Variants in RNF213 observed in about 807,000 individuals in gnomAD.
The protein encoded by RNF213 is ring finger protein 213.
RNF213 carries 341 observed loss-of-function variants against 514.4 expected under a neutral mutation model. That is an observed-to-expected ratio of 0.66 (90% CI 0.61 to 0.73). The LOEUF is 0.73. Ranked by LOEUF, RNF213 falls within the 30% of genes least tolerant of loss-of-function variation. The pLI, the probability that RNF213 is intolerant of heterozygous loss-of-function variation, is 0.00. For synonymous variants in RNF213, 2,655 were observed against 2,658.2 expected (o/e 1.00, Z 0.04); for missense variants, 5,767 against 6,615.6 (o/e 0.87, Z 4.45).
chr17:80,353,604 G>T lies in RNF213; in HGVS notation c.10516G>T (p.Ala3506Ser), dbSNP rs781630770. The T allele has an allele frequency of 1.1e-5, 18 of 1,614,084 alleles. No homozygotes were observed. Among genetic ancestry groups the T allele is most frequent in the African/African-American group, 1.3e-5 (1 of 74,922 alleles). The stretch of plus-strand genomic sequence containing the variant: ...GGAGGTGGCAGAGGTGGCAGAGGAG[G>T]CCATGGAAACAGAAAGTTCTGAGAA... ...SGEVAEVAEE[A>S]METESSEKVG... is the part of the protein sequence containing the mutation. The change falls in exon 34 of 68, where the codon GCC (alanine) becomes TCC (serine). Residue 3506 changes from alanine to serine, a missense_variant. Coordinates refer to ENST00000582970, the MANE Select transcript of RNF213 (RefSeq NM_001256071.3). This position sits in a 1 kb window ranked among gnomAD's most constrained non-coding sequence, Gnocchi z 5.0.
chr17:80,320,103 C>A, intron 17 of RNF213: 2 of 707,150 alleles, frequency 2.8e-6, no homozygotes, highest in Non-Finnish European at 3.5e-6. Context: ...CAGATATGTA[C>A]AGTCATCACC....
rs565102144 is a variant in RNF213, at chr17:80,364,441, G to C, written c.11759G>C (p.Trp3920Ser). The C allele has an allele frequency of 2.1e-4, 343 of 1,614,178 alleles. 2 individuals carry two copies. The South Asian group carries it at 3.5e-3, about 17-fold the overall frequency. The change falls in exon 42 of 68, where the codon TGG (tryptophan) becomes TCG (serine). Residue 3920 changes from tryptophan (W) to serine (S), a missense_variant. Transcript: ENST00000582970. ...QAVIREVRAQ[W>S]SRIFSTALFV... ...GCGCCCTCTTTTGACAGAGCCCAGT[G>C]GAGTCGGATTTTCTCCACCGCACTC...
chr17:80,354,385 C>G, intron 35 of RNF213, 56 bp from the exon 36 acceptor site: 1 of 1,613,186 alleles, frequency 6.2e-7, no homozygotes. Context: ...AGAAGCACTC[C>G]GGAGCCAACA....
intron 26 of RNF213, 190 bp downstream of exon 26, chr17:80,340,546 G>C (rs2078123056): frequency 3.4e-6 from 2 of 586,370 alleles, no homozygotes; most frequent in Non-Finnish European, 6.1e-6. Context: ...CCCACAATGG[G>C]TATTCCCTGG....
Position 80,394,118 on chromosome 17 carries a change from T to G in RNF213, c.*620T>G, listed in dbSNP as rs1384416448. The G allele has an allele frequency of 6.5e-6, 1 of 153,782 alleles. No individual in the cohort carries two copies. Among genetic ancestry groups the G allele is most frequent in the East Asian group, 1.9e-4 (1 of 5,224 alleles). The allele number at this position is 153,782 out of a possible 1,614,324, so 9.5% of individuals were successfully genotyped here. On this transcript the variant is annotated 3_prime_UTR_variant, in exon 68 of 68. Coordinates refer to ENST00000582970, the MANE Select transcript of RNF213 (RefSeq NM_001256071.3). ...TGAGCCACTGCCCCACTTCAGAGGG[T>G]AAGAGCCAAAAGCCTCATTGTGAAA... is the stretch of plus-strand genomic sequence containing the variant.
chr17:80,344,679 G>A lies in RNF213; in HGVS notation c.6344G>A (p.Arg2115His), dbSNP rs143002142. Residue 2115 changes from arginine (R) to histidine (H), a missense_variant and splice_region_variant, in exon 29 of 68, where the codon CGT (arginine) becomes CAT (histidine). Transcript: ENST00000582970. ...TTCATTAATGTCTCTCCTTTCCAGC[G>A]TACACGTGTACCCCAGTTCAGTTTT... is the stretch of plus-strand genomic sequence containing the variant. ...SVPSRSSSALRTRVPQFSFLD... is the reference protein window; with the variant it reads ...SVPSRSSSALHTRVPQFSFLD... 25 of 1,614,004 alleles carry A rather than the reference G, an allele frequency of 1.5e-5. No individual in the cohort carries two copies. The highest frequency in any genetic ancestry group is 6.7e-5 in the African/African-American group (5 of 74,996).
chr17:80,333,386 G>A (rs1298055547), intron 21 of RNF213, among the ~76,000 whole-genome samples: 7 of 149,632 alleles, frequency 4.7e-5, no homozygotes, highest in African/African-American at 7.3e-5. Flanking sequence ...ATGTTTTTAG[G>A]TAGACCGAGA....
Position 80,354,153 on chromosome 17 carries a change from T to A in RNF213, c.10713T>A (p.Asp3571Glu), listed in dbSNP as rs1269140341. Residue 3571 changes from aspartate to glutamate, a missense_variant, in exon 35 of 68, where the codon GAT becomes GAA. Coordinates refer to ENST00000582970, the MANE Select transcript of RNF213 (RefSeq NM_001256071.3). Reference sequence around the variant, plus strand: ...TCCTCCTGGGCCTCTTGAATGAGGATGACGCGTGCCACGGTATGAGCCTCC... The same window carrying A: ...TCCTCCTGGGCCTCTTGAATGAGGAAGACGCGTGCCACGGTATGAGCCTCC... ...VVLLLGLLNE[D>E]DACHASFLRV... 6.2e-7 allele frequency: 1 copy of A among 1,613,886 alleles called. No homozygotes were observed. The highest frequency in any genetic ancestry group is 1.7e-5 in the Admixed American group (1 of 60,018).
rs115775716 is a variant in RNF213, at chr17:80,311,808, G to A, written c.2656-1204G>A. On this transcript the variant is annotated intron_variant, in intron 14 of 67. Transcript: ENST00000582970. ...CTGTGGCTCCTGACACTTGCACGAT[G>A]TGCGGGGCTGTGCTTAAAAAAAAAG... Among the ~76,000 whole-genome samples, 540 of 152,242 alleles carry A rather than the reference G, an allele frequency of 3.5e-3. 3 individuals are homozygous for A. The highest frequency in any genetic ancestry group is 0.012 in the African/African-American group (493 of 41,526).
chr17:80,316,917 G>A (rs544796249), intron 15 of RNF213, among the ~76,000 whole-genome samples: 2 of 152,330 alleles, frequency 1.3e-5, no homozygotes, highest in South Asian at 4.1e-4. Context: ...TATAACATGA[G>A]AGATAAGTCC....
chr17:80,358,638 T>C (rs1412882768), intron 37 of RNF213, among the ~76,000 whole-genome samples, 159 bp downstream of exon 37: 4 of 152,104 alleles, frequency 2.6e-5, no homozygotes, highest in African/African-American at 9.7e-5. Context: ...TGGCCGGGCA[T>C]GGTGGCTCAC....
In RNF213 at chr17:80,374,550, C is replaced by T. The variant is rs746666759; in HGVS notation, c.13035C>T (p.Val4345=). The T allele has an allele frequency of 7.4e-6, 12 of 1,614,086 alleles. No individual in the cohort carries two copies. Among genetic ancestry groups the T allele is most frequent in the Non-Finnish European group, 7.6e-6 (9 of 1,180,046 alleles). Residue 4345 remains valine, a synonymous_variant, in exon 50 of 68, where the codon GTC becomes GTT. Coordinates refer to ENST00000582970, the MANE Select transcript of RNF213 (RefSeq NM_001256071.3). ...KALRDAVAKA[V]LECKPLGIKT... is the part of the protein sequence containing the mutation. ...TCCGTGATGCTGTGGCCAAAGCTGTCCTCGAGTGCAAGCCACTGGGCATTA... is the reference window on the plus strand; with the variant it reads ...TCCGTGATGCTGTGGCCAAAGCTGTTCTCGAGTGCAAGCCACTGGGCATTA...
chr17:80,344,796 TG>T lies in RNF213; in HGVS notation c.6463del (p.Asp2155IlefsTer17), dbSNP rs1222715686. On this transcript the variant is annotated frameshift_variant, in exon 29 of 68. Coordinates refer to ENST00000582970, the MANE Select transcript of RNF213 (RefSeq NM_001256071.3). LOFTEE classifies it high-confidence loss of function. ...CTGAGGAGTGACACAGAGCCTGGGA[TG>T]GATCTGTGGGAGTTCTGCAGCGAAA... ...SALRSDTEPG[M>X]DLWEFCSETF... 1 of 1,614,066 alleles carries T rather than the reference TG, an allele frequency of 6.2e-7. No homozygotes were observed. Among genetic ancestry groups the T allele is most frequent in the Non-Finnish European group, 8.5e-7 (1 of 1,180,046 alleles).
Position 80,393,405 on chromosome 17 carries a change from G to A in RNF213, c.15531G>A (p.Met5177Ile), listed in dbSNP as rs1401498220. The change falls in exon 68 of 68, where the codon ATG becomes ATA. Residue 5177 changes from methionine (M) to isoleucine (I), a missense_variant. Coordinates refer to ENST00000582970, the MANE Select transcript of RNF213 (RefSeq NM_001256071.3). ...QTKESEILPE[M>I]ASQFPEEILL... ...AAGAAAGTGAAATTCTTCCTGAAATGGCATCTCAGTTCCCAGAAGAGATAC... is the reference window on the plus strand; with the variant it reads ...AAGAAAGTGAAATTCTTCCTGAAATAGCATCTCAGTTCCCAGAAGAGATAC... The A allele has an allele frequency of 1.9e-6, 3 of 1,614,132 alleles. No individual in the cohort carries two copies. In the South Asian group the frequency reaches 3.3e-5, roughly 18 times the overall value.
intron 38 of RNF213, among the ~76,000 whole-genome samples, chr17:80,361,196 A>T (rs1270452554): frequency 6.6e-6 from 1 of 152,204 alleles, no homozygotes; most frequent in Non-Finnish European, 1.5e-5. Flanking sequence ...TCTGACCTAA[A>T]TTTGACACTG....
intron 12 of RNF213, 35 bp from the exon 13 acceptor site, chr17:80,307,093 C>A (rs2045388131): frequency 6.2e-7 from 1 of 1,602,284 alleles, no homozygotes; most frequent in South Asian, 1.1e-5. Context: ...GTGATTCAAT[C>A]TTTTGTCCTG....
intron 57 of RNF213, chr17:80,382,095 C>T (rs772570067): frequency 3.2e-5 from 10 of 310,478 alleles, no homozygotes; most frequent in Non-Finnish European, 5.7e-5. Flanking sequence ...GCTGGGAGCA[C>T]GTGTCGTCCA....
intron 62 of RNF213, 83 bp downstream of exon 62, chr17:80,386,513 G>A (rs1212149037): frequency 3.3e-6 from 5 of 1,514,292 alleles, no homozygotes; most frequent in Non-Finnish European, 4.6e-6. Context: ...GCAAGCTTCA[G>A]CCCCTTCCCT....
At chr17:80,262,126 T>C (rs2043444504) in intron 1 of RNF213, among the ~76,000 whole-genome samples, 1 of 151,930 alleles carries the variant, frequency 6.6e-6, no homozygotes, top group Non-Finnish European at 1.5e-5. Context: ...TGGGGAGTCA[T>C]TGAAGGTGTT....
Sources: allele counts gnomAD v4.1 joint callset (sites outside exome capture counted in the v4.1 genomes callset), GRCh38; gene constraint gnomAD v4.1.1; non-coding constraint Gnocchi (gnomAD v3.1); transcripts MANE v1.5; gene names NCBI Gene and HGNC (gene_info 2026-07-23, HGNC 2026-07-21).